The following NELL2 variants were observed in gnomAD, a reference collection of about 807,000 sequenced individuals.
NELL2 encodes the protein neural EGFL like 2.
NELL2 carries 41 observed loss-of-function variants against 109.6 expected under a neutral mutation model. The ratio of observed to expected loss-of-function variants is 0.37; its 90% CI spans 0.29 to 0.49. The LOEUF is 0.49. Ranked by LOEUF, NELL2 falls within the 20% of genes least tolerant of loss-of-function variation. NELL2 has a pLI of 0.98. For missense variants in NELL2, 900 were observed against 1,008.3 expected (o/e 0.89, Z 1.45); for synonymous variants, 355 against 344.7 (o/e 1.03, Z -0.33).
intron 2 of NELL2, among the ~76,000 whole-genome samples, chr12:44,831,587 T>A (rs922870272): frequency 6.6e-6 from 1 of 152,166 alleles, no homozygotes; most frequent in South Asian, 2.1e-4. Flanking sequence ...GTTTCCCAGA[T>A]AGAAACTTCA....
chr12:44,813,262 C>T (rs1943237197), intron 3 of NELL2, among the ~76,000 whole-genome samples: 1 of 152,176 alleles, frequency 6.6e-6, no homozygotes, highest in Non-Finnish European at 1.5e-5. Flanking sequence ...GTGCCTGGCA[C>T]ATGGTAAGCC....
At chr12:44,781,782 T>C (rs1941969516) in intron 3 of NELL2, among the ~76,000 whole-genome samples, 2 of 151,980 alleles carry the variant, frequency 1.3e-5, no homozygotes, top group African/African-American at 4.8e-5. Context: ...GCTGTACACG[T>C]AGAATTGTAT....
At position 44,885,800 on chromosome 12, in the gene NELL2, A is replaced by C. The variant is rs117650239; in HGVS notation, c.39-9900T>G. On this transcript the variant is annotated intron_variant, in intron 1 of 20. Coordinates refer to the NELL2 transcript ENST00000333837. ...GCTGATTTTTAAATTTATATGGAAAAATCAAAGAAAACAGAAAAGCCAAAA... is the reference window on the plus strand; with the variant it reads ...GCTGATTTTTAAATTTATATGGAAACATCAAAGAAAACAGAAAAGCCAAAA... Among the ~76,000 whole-genome samples the C allele has an allele frequency of 2.8e-3, 426 of 151,958 alleles. 16 individuals carry two copies. The East Asian group carries it at 0.079, about 28-fold the overall frequency.
At chr12:44,751,380 A>T (rs368484807) in intron 9 of NELL2, among the ~76,000 whole-genome samples, 20 of 152,232 alleles carry the variant, frequency 1.3e-4, no homozygotes, top group African/African-American at 4.6e-4. Flanking sequence ...GAAGTATCTG[A>T]GCCTTTGATA....
chr12:44,552,248 T>C (rs1592106675), intron 15 of NELL2, among the ~76,000 whole-genome samples: 2 of 152,336 alleles, frequency 1.3e-5, no homozygotes, highest in South Asian at 4.1e-4. Context: ...AAAGGTTTAA[T>C]TGGTAACTTT....
At chr12:44,585,066 A>T (rs1944445647) in intron 15 of NELL2, among the ~76,000 whole-genome samples, 1 of 152,208 alleles carries the variant, frequency 6.6e-6, no homozygotes, top group African/African-American at 2.4e-5. Flanking sequence ...ATTAAAACAT[A>T]CTTGAAAAAT....
intron 15 of NELL2, among the ~76,000 whole-genome samples, chr12:44,600,086 C>T (rs1025587199): frequency 1.3e-5 from 2 of 151,064 alleles, no homozygotes; most frequent in African/African-American, 4.9e-5. Context: ...CTCAGCCTCC[C>T]GAGTAGCTGG....
intron 2 of NELL2, among the ~76,000 whole-genome samples, chr12:44,856,580 C>T (rs990792935): frequency 3.3e-5 from 5 of 152,122 alleles, no homozygotes; most frequent in Non-Finnish European, 5.9e-5. Flanking sequence ...GGGGGAAGAG[C>T]ATTCCAGGGC....
In NELL2 at chr12:44,776,069, G is replaced by T; in HGVS notation, c.844C>A (p.Arg282=). ...RTCTMKGTTY[R]EFESWIDGCK... Reference sequence around the variant, plus strand: ...CCGTCTATCCAGGACTCAAATTCTCGGTAGGTGGTTCCCTTCATGGTGCAA... The same window carrying T: ...CCGTCTATCCAGGACTCAAATTCTCTGTAGGTGGTTCCCTTCATGGTGCAA... The change falls in exon 8 of 20, where the codon CGA becomes AGA. Residue 282 remains arginine, a synonymous_variant. Coordinates refer to ENST00000429094, the MANE Select transcript of NELL2 (RefSeq NM_001145108.2). 6.2e-7 allele frequency: 1 copy of T among 1,613,854 alleles called. No individual in the cohort carries two copies. The highest frequency in any genetic ancestry group is 8.5e-7 in the Non-Finnish European group (1 of 1,179,900).
intron 9 of NELL2, among the ~76,000 whole-genome samples, chr12:44,769,028 T>C (rs891977649): frequency 6.6e-6 from 1 of 152,184 alleles, no homozygotes; most frequent in African/African-American, 2.4e-5. Flanking sequence ...TGGTGAATTA[T>C]ATTCTGCTGA....
chr12:44,703,191 G>A (rs1185037297), intron 12 of NELL2, among the ~76,000 whole-genome samples: 1 of 152,186 alleles, frequency 6.6e-6, no homozygotes, highest in Non-Finnish European at 1.5e-5. Flanking sequence ...GTTTCCATGA[G>A]AGAATAAACT....
intron 3 of NELL2, among the ~76,000 whole-genome samples, chr12:44,799,612 T>A (rs913645043): frequency 2.0e-5 from 3 of 152,150 alleles, no homozygotes; most frequent in African/African-American, 7.2e-5. Flanking sequence ...GGTCATAATT[T>A]TTCCACAGAA....
chr12:44,836,025 G>A (rs1382695114), intron 2 of NELL2, among the ~76,000 whole-genome samples: 1 of 152,210 alleles, frequency 6.6e-6, no homozygotes, highest in Non-Finnish European at 1.5e-5. Flanking sequence ...TGGGAGAAAG[G>A]GAGAGGGGGG....
At chr12:44,710,739 T>C (rs1938151130) in intron 11 of NELL2, among the ~76,000 whole-genome samples, 1 of 152,124 alleles carries the variant, frequency 6.6e-6, no homozygotes, top group African/African-American at 2.4e-5. Context: ...TAGTTCTAGT[T>C]GTATCATATC....
At chr12:44,749,525 CAT>C (rs1326857959) in intron 9 of NELL2, among the ~76,000 whole-genome samples, 4 of 152,118 alleles carry the variant, frequency 2.6e-5, no homozygotes, top group Non-Finnish European at 4.4e-5. Context: ...CTTGCTCACA[CAT>C]GTTATTTCTT....
chr12:44,900,374 T>G (rs1945647072), intron 1 of NELL2, among the ~76,000 whole-genome samples: 1 of 152,248 alleles, frequency 6.6e-6, no homozygotes, highest in African/African-American at 2.4e-5. Context: ...AAAACACTCC[T>G]CAGAAAATGC....
At chr12:44,751,782 CTG>C (rs1237284978) in intron 9 of NELL2, among the ~76,000 whole-genome samples, 3 of 152,040 alleles carry the variant, frequency 2.0e-5, no homozygotes, top group African/African-American at 7.3e-5. Flanking sequence ...AATATGTAAA[CTG>C]ATAATTTTGC....
intron 14 of NELL2, among the ~76,000 whole-genome samples, chr12:44,608,403 T>A (rs2136248011): frequency 6.6e-6 from 1 of 152,116 alleles, no homozygotes; most frequent in African/African-American, 2.4e-5. Context: ...GTACATATTT[T>A]CACTGGAGTA....
At chr12:44,566,866 CA>C (rs1406378222) in intron 15 of NELL2, among the ~76,000 whole-genome samples, 1 of 151,706 alleles carries the variant, frequency 6.6e-6, no homozygotes. Flanking sequence ...GGCTGCAGTG[CA>C]ATGGCATGAT....
Sources: allele counts gnomAD v4.1 joint callset (sites outside exome capture counted in the v4.1 genomes callset), GRCh38; gene constraint gnomAD v4.1.1; transcripts MANE v1.5; gene names NCBI Gene and HGNC (gene_info 2026-07-23, HGNC 2026-07-21).